PLA2G4C: variants seen among roughly 807,000 people sequenced by gnomAD.
PLA2G4C encodes the protein phospholipase A2 group IVC.
Under a neutral mutation model 73.8 loss-of-function variants are expected in PLA2G4C, and 64 were observed. The ratio of observed to expected loss-of-function variants is 0.87; its 90% CI spans 0.71 to 1.07. PLA2G4C has a LOEUF of 1.07. Ranked by LOEUF, PLA2G4C falls within the 50% of genes least tolerant of loss-of-function variation. The pLI is 0.00. For synonymous variants in PLA2G4C, 254 were observed against 252.1 expected, an observed-to-expected ratio of 1.01 and a Z score of -0.07; for missense variants, 622 against 665.4, an observed-to-expected ratio of 0.93 and a Z score of 0.72.
chr19:48,074,822 C>G lies in PLA2G4C; in HGVS notation c.951G>C (p.Trp317Cys), dbSNP rs2030028698. The G allele has an allele frequency of 2.5e-6, 4 of 1,613,100 alleles. No individual in the cohort carries two copies. Among genetic ancestry groups the G allele is most frequent in the Non-Finnish European group, 3.4e-6 (4 of 1,179,560 alleles). ...CCTGCTTTTCCAGGGAGGTCCTGGT[C>G]CAATTCTCGAGCATCTCAGTCAGCC... ...HTWLTEMLEN[W>C]TRTSLEKQEQ... The change falls in exon 12 of 17, where the codon TGG becomes TGC. Residue 317 changes from tryptophan (W) to cysteine (C), a missense_variant. Trp to Cys is a radical substitution (Grantham distance 215). Coordinates refer to ENST00000599921, the MANE Select transcript of PLA2G4C (RefSeq NM_003706.3).
chr19:48,056,832 CAAA>C (rs34317694), intron 14 of PLA2G4C, among the ~76,000 whole-genome samples: 1 of 83,782 alleles, frequency 1.2e-5, no homozygotes. Context: ...GACTCTGTCT[CAAA>C]AAAAAAAAAA....
At chr19:48,101,178 G>A (rs1221783381) in intron 4 of PLA2G4C, among the ~76,000 whole-genome samples, 1 of 142,588 alleles carries the variant, frequency 7.0e-6, no homozygotes, top group Non-Finnish European at 1.5e-5. Context: ...AGACTAGAGT[G>A]CAGTGGCATG....
rs376138400 is a variant in PLA2G4C at position 48,085,041 on chromosome 19, T to C, written c.844+18A>G. On this transcript the variant is annotated intron_variant, in intron 10 of 16. Coordinates refer to ENST00000599921, the MANE Select transcript of PLA2G4C (RefSeq NM_003706.3). ...AAATATCTCTAGGCTTTGACCTTTC[T>C]GTTCCCCAAATACTCACCAAAAATA... 6.3e-7 allele frequency: 1 copy of C among 1,586,890 alleles called. No individual in the cohort carries two copies. The highest frequency in any genetic ancestry group is 8.7e-7 in the Non-Finnish European group (1 of 1,155,292).
chr19:48,106,789 T>C (rs1305077972), intron 1 of PLA2G4C: 3 of 558,768 alleles, frequency 5.4e-6, no homozygotes, highest in African/African-American at 1.9e-5. Flanking sequence ...TCTGAAAATT[T>C]GGAGGCTAGG....
chr19:48,048,393 G>T lies in PLA2G4C; in HGVS notation c.1581-5C>A, dbSNP rs1252024146. On this transcript the variant is annotated splice_polypyrimidine_tract_variant and splice_region_variant and intron_variant, in intron 16 of 16. Transcript: ENST00000599921. ...CTATCCTTCGGGTAGTAGAGCCTGG[G>T]GAGAAAGGAAAGTTAGAAGTTACCA... is the stretch of plus-strand genomic sequence containing the variant. 6.9e-6 allele frequency: 11 copies of T among 1,583,484 alleles called. No homozygotes were observed. The highest frequency in any genetic ancestry group is 1.4e-5 in the African/African-American group (1 of 72,858).
intron 11 of PLA2G4C, among the ~76,000 whole-genome samples, chr19:48,077,186 C>T (rs2030221927): frequency 6.6e-6 from 1 of 152,072 alleles, no homozygotes; most frequent in Non-Finnish European, 1.5e-5. Context: ...GTACATGGAT[C>T]CTATGGTTAG....
chr19:48,082,561 C>T (rs1363557375), intron 10 of PLA2G4C, among the ~76,000 whole-genome samples: 2 of 129,846 alleles, frequency 1.5e-5, no homozygotes, highest in East Asian at 2.3e-4. Flanking sequence ...TATAGTGGTG[C>T]GATCTCGGCT....
At chr19:48,104,430 AGC>A in intron 4 of PLA2G4C, 156 bp downstream of exon 4, 1 of 659,180 alleles carries the variant, frequency 1.5e-6, no homozygotes, top group South Asian at 1.9e-5. Context: ...AACTCCAGGT[AGC>A]CAGCGTCAGA....
At chr19:48,053,359 T>TTTTC (rs1555740821) in intron 15 of PLA2G4C, among the ~76,000 whole-genome samples, 45 of 128,770 alleles carry the variant, frequency 3.5e-4, no homozygotes, top group African/African-American at 1.5e-3. Context: ...TTCCGGTCCT[T>TTTTC]TTTTCTTTTT....
chr19:48,075,241 T>C (rs1568434660), intron 11 of PLA2G4C, among the ~76,000 whole-genome samples: 1 of 151,654 alleles, frequency 6.6e-6, no homozygotes, highest in Non-Finnish European at 1.5e-5. Context: ...TGGAGTGCAA[T>C]GGGGCAATCT....
rs1287518843 is a variant in PLA2G4C at position 48,047,912 on chromosome 19, G to A, written c.*431C>T. ...ATTCTCAGAGCTCCACTTGGCTGTGGAGAGATAGCCCATGATTTAAGCCCA... is the reference window on the plus strand; with the variant it reads ...ATTCTCAGAGCTCCACTTGGCTGTGAAGAGATAGCCCATGATTTAAGCCCA... On this transcript the variant is annotated 3_prime_UTR_variant, in exon 17 of 17. Coordinates refer to ENST00000599921, the MANE Select transcript of PLA2G4C (RefSeq NM_003706.3). 1 of 189,624 alleles carries A rather than the reference G, an allele frequency of 5.3e-6. No homozygotes were observed. Among genetic ancestry groups the A allele is most frequent in the East Asian group, 1.8e-4 (1 of 5,638 alleles). The allele number at this position is 189,624 out of a possible 1,614,324, so 11.7% of individuals were successfully genotyped here. A position where few individuals can be genotyped will look rare whatever the true frequency, so the allele number is the denominator to read the frequency against.
At chr19:48,074,430 T>C (rs1056298475) in intron 12 of PLA2G4C, 5 of 321,464 alleles carry the variant, frequency 1.6e-5, no homozygotes, top group Non-Finnish European at 3.0e-5. Flanking sequence ...TTGTGAATAG[T>C]GCTGCAGTGA....
At chr19:48,108,665 A>T (rs554442215) in intron 1 of PLA2G4C, 1 of 152,256 alleles carries the variant, frequency 6.6e-6, no homozygotes, top group African/African-American at 2.4e-5. Context: ...ACAGTGGCTC[A>T]TGGCTGTAAT....
intron 14 of PLA2G4C, among the ~76,000 whole-genome samples, chr19:48,057,874 C>T (rs189236958): frequency 4.1e-5 from 6 of 145,248 alleles, no homozygotes; most frequent in East Asian, 2.2e-4. Flanking sequence ...CTTGCTGTGT[C>T]GCCCAGGCTG....
At chr19:48,097,637 G>A in intron 6 of PLA2G4C, 1 of 152,428 alleles carries the variant, frequency 6.6e-6, no homozygotes, top group Non-Finnish European at 1.5e-5. Context: ...TGTCACTCAG[G>A]CTGTAGTACA....
intron 13 of PLA2G4C, among the ~76,000 whole-genome samples, chr19:48,063,093 G>GGA (rs1968254856): frequency 6.6e-6 from 1 of 152,048 alleles, no homozygotes; most frequent in Admixed American, 6.6e-5. Flanking sequence ...TGCCCAGGCG[G>GGA]GAGTGCAGTG....
chr19:48,110,534 T>TCCGGAATCCGGTGCGGAGGCTTGGGCC lies in PLA2G4C; in HGVS notation c.-81_-80insGGCCCAAGCCTCCGCACCGGATTCCGG. ...TGCGCATGCGCGGTGGAGCTTGTGC[T>TCCGGAATCCGGTGCGGAGGCTTGGGCC]CCGGAATCCGGTGCGGAGGCTTGGG... On this transcript the variant is annotated 5_prime_UTR_variant, in exon 1 of 17. Transcript: ENST00000599921. 3 of 1,532,894 alleles carry TCCGGAATCCGGTGCGGAGGCTTGGGCC rather than the reference T, an allele frequency of 2.0e-6. No individual in the cohort carries two copies. The highest frequency in any genetic ancestry group is 2.6e-6 in the Non-Finnish European group (3 of 1,142,700). 95.0% of individuals were successfully genotyped at this position (1,532,894 alleles called of 1,614,324 possible).
intron 13 of PLA2G4C, among the ~76,000 whole-genome samples, chr19:48,065,717 G>C (rs1166047032): frequency 6.6e-6 from 1 of 152,164 alleles, no homozygotes; most frequent in Non-Finnish European, 1.5e-5. Flanking sequence ...GTTATGACAA[G>C]GGGTTGTGGA....
intron 15 of PLA2G4C, among the ~76,000 whole-genome samples, chr19:48,054,482 T>G (rs1487621412): frequency 1.4e-5 from 2 of 141,526 alleles, no homozygotes; most frequent in African/African-American, 2.6e-5. Context: ...TATTTTTTTT[T>G]GTTGTTGTAT....
Sources: allele counts gnomAD v4.1 joint callset (sites outside exome capture counted in the v4.1 genomes callset), GRCh38; gene constraint gnomAD v4.1.1; transcripts MANE v1.5; gene names NCBI Gene and HGNC (gene_info 2026-07-23, HGNC 2026-07-21).